Variants in ZFHX3 observed in about 807,000 individuals in gnomAD.
ZFHX3 encodes zinc finger homeobox protein 3.
In ZFHX3, 42 loss-of-function variants were observed where a neutral mutation model predicts 279.1. The observed-to-expected ratio is 0.15, with a 90% confidence interval of 0.12 to 0.19. ZFHX3 has a LOEUF of 0.19. Among genes scored for constraint, ZFHX3 ranks in the 10% least tolerant of loss-of-function variants. The pLI, the probability that ZFHX3 is intolerant of heterozygous loss-of-function variation, is 1.00. For missense variants in ZFHX3, 4,981 were observed against 4,754.0 expected (o/e 1.05, Z -1.40); for synonymous variants, 2,293 against 1,957.8 (o/e 1.17, Z -4.52).
intron 3 of ZFHX3, among the ~76,000 whole-genome samples, chr16:73,321,287 G>A (rs2015569272): frequency 6.6e-6 from 1 of 152,132 alleles, no homozygotes; most frequent in South Asian, 2.1e-4. Context: ...CAGGAGGCGA[G>A]ATCCTAAACT....
chr16:73,605,558 T>C (rs2143870513), intron 2 of ZFHX3, among the ~76,000 whole-genome samples: 1 of 152,220 alleles, frequency 6.6e-6, no homozygotes, highest in South Asian at 2.1e-4. Flanking sequence ...ATTAGCCAAA[T>C]TCCTACAGAG....
intron 4 of ZFHX3, among the ~76,000 whole-genome samples, chr16:72,849,554 C>G (rs1474553777): frequency 6.6e-6 from 1 of 152,200 alleles, no homozygotes. Flanking sequence ...CTAACCAGTG[C>G]ATTAGCTAGC....
At chr16:72,944,489 T>G (rs1046360806) in intron 3 of ZFHX3, among the ~76,000 whole-genome samples, 3 of 152,196 alleles carry the variant, frequency 2.0e-5, no homozygotes, top group Non-Finnish European at 4.4e-5. Flanking sequence ...AGACATCCAC[T>G]TTAAAAATCA....
intron 3 of ZFHX3, among the ~76,000 whole-genome samples, chr16:73,422,693 T>A (rs1257182186): frequency 6.6e-6 from 1 of 152,204 alleles, no homozygotes; most frequent in Non-Finnish European, 1.5e-5. Flanking sequence ...TGTGCCTCCT[T>A]CCTCTGCCTC....
intron 2 of ZFHX3, among the ~76,000 whole-genome samples, chr16:73,471,566 A>T (rs769920802): frequency 1.8e-4 from 28 of 151,962 alleles, no homozygotes; most frequent in Non-Finnish European, 4.0e-4. Context: ...GAGCCACTGC[A>T]CCTGGCCATG....
intron 2 of ZFHX3, among the ~76,000 whole-genome samples, chr16:72,955,938 A>T (rs971098582): frequency 6.6e-6 from 1 of 152,214 alleles, no homozygotes; most frequent in Non-Finnish European, 1.5e-5. Flanking sequence ...AGAAAACCTT[A>T]GAGTACTCAC....
chr16:73,292,904 T>G (rs2014810220), intron 4 of ZFHX3, among the ~76,000 whole-genome samples: 1 of 152,180 alleles, frequency 6.6e-6, no homozygotes, highest in Admixed American at 6.5e-5. Context: ...ATAGGGGACC[T>G]ACATTTTGAA....
chr16:73,623,915 A>C lies in ZFHX3; in HGVS notation c.-1547+56265T>G, dbSNP rs551754749. On this transcript the variant is annotated intron_variant, in intron 2 of 17. Coordinates refer to the ZFHX3 transcript ENST00000641206. ...TTAATGAACCAATCATGTTGCAAAT[A>C]GTATTTCCTGTGTCACTCTGAGTTA... is the stretch of plus-strand genomic sequence containing the variant. 4.6e-5 allele frequency among the ~76,000 whole-genome samples: 7 copies of C among 152,358 alleles called. 1 individual carries two copies. In the South Asian group the frequency reaches 1.5e-3, roughly 32 times the overall value.
intron 3 of ZFHX3, among the ~76,000 whole-genome samples, chr16:73,444,955 TAAAA>T (rs56235953): frequency 0.052 from 3,598 of 68,536 alleles, 158 homozygotes; most frequent in African/African-American, 0.18. Flanking sequence ...CCATCTATAC[TAAAA>T]AAAAAAAAAA....
intron 1 of ZFHX3, among the ~76,000 whole-genome samples, chr16:72,988,504 A>C (rs1220712057): frequency 3.3e-5 from 5 of 152,242 alleles, no homozygotes; most frequent in Non-Finnish European, 5.9e-5. Flanking sequence ...CTCTGAGCTC[A>C]CACCATATAC....
intron 4 of ZFHX3, among the ~76,000 whole-genome samples, chr16:72,848,635 GC>G (rs1312594578): frequency 3.5e-5 from 5 of 141,196 alleles, no homozygotes; most frequent in Admixed American, 7.3e-5. Flanking sequence ...ATCACCCTGT[GC>G]CCCCCCTCCC....
chr16:73,553,835 A>AG (rs529231738), intron 2 of ZFHX3, among the ~76,000 whole-genome samples: 366 of 152,230 alleles, frequency 2.4e-3, no homozygotes, highest in Non-Finnish European at 4.1e-3. Context: ...TCTCCCACCT[A>AG]GGGGGTCTAA....
At chr16:72,965,585 A>T (rs942341085) in intron 1 of ZFHX3, among the ~76,000 whole-genome samples, 4 of 152,182 alleles carry the variant, frequency 2.6e-5, no homozygotes, top group African/African-American at 9.6e-5. Context: ...ATGCTACAGA[A>T]TCCATGCTAA....
intron 1 of ZFHX3, among the ~76,000 whole-genome samples, chr16:72,996,498 C>A (rs1963299385): frequency 6.6e-6 from 1 of 152,206 alleles, no homozygotes; most frequent in Non-Finnish European, 1.5e-5. Context: ...AATCTATAAC[C>A]CATGCAGTTA....
chr16:73,781,483 G>A (rs1959471049), intron 1 of ZFHX3, among the ~76,000 whole-genome samples: 1 of 152,170 alleles, frequency 6.6e-6, no homozygotes, highest in African/African-American at 2.4e-5. Flanking sequence ...TTAGAACACA[G>A]CCACACTCAT....
intron 3 of ZFHX3, among the ~76,000 whole-genome samples, chr16:73,454,298 C>T (rs532776317): frequency 1.3e-5 from 2 of 152,190 alleles, no homozygotes; most frequent in East Asian, 1.9e-4. Flanking sequence ...AGAGAAAATC[C>T]AGACAGAACC....
At chr16:73,572,646 C>A (rs1428709622) in intron 2 of ZFHX3, among the ~76,000 whole-genome samples, 1 of 152,206 alleles carries the variant, frequency 6.6e-6, no homozygotes, top group East Asian at 1.9e-4. Flanking sequence ...GGAAGCCTGT[C>A]TGTCATGGTG....
intron 4 of ZFHX3, among the ~76,000 whole-genome samples, chr16:73,262,576 A>G (rs1320836976): frequency 1.3e-5 from 2 of 152,132 alleles, no homozygotes; most frequent in African/African-American, 2.4e-5. Flanking sequence ...AGGTAAAAAA[A>G]GGGCTTGAGG....
intron 1 of ZFHX3, among the ~76,000 whole-genome samples, chr16:73,690,298 G>A (rs1233050236): frequency 6.6e-6 from 1 of 152,190 alleles, no homozygotes; most frequent in Non-Finnish European, 1.5e-5. Context: ...TAGCATCCAT[G>A]TACGGGGCCT....
Sources: allele counts gnomAD v4.1 joint callset (sites outside exome capture counted in the v4.1 genomes callset), GRCh38; gene constraint gnomAD v4.1.1; transcripts MANE v1.5; gene names NCBI Gene and HGNC (gene_info 2026-07-23, HGNC 2026-07-21).